Variants in RGCC observed in about 807,000 individuals in gnomAD.
RGCC encodes the protein regulator of cell cycle, also known as regulator of cell cycle RGCC.
A neutral mutation model predicts 15.4 loss-of-function variants in RGCC; 15 were observed. That is an observed-to-expected ratio of 0.97 (90% CI 0.65 to 1.50). RGCC has a LOEUF of 1.50. RGCC is among the 40% of genes most tolerant of loss of function. The probability of loss-of-function intolerance (pLI) is 0.00; values close to 1 mark genes in which losing one functional copy is unlikely to be tolerated. For synonymous variants in RGCC, 81 were observed against 78.0 expected, an observed-to-expected ratio of 1.04 and a Z score of -0.20; for missense variants, 176 against 189.7, an observed-to-expected ratio of 0.93 and a Z score of 0.42.
At position 41,458,384 on chromosome 13, in the gene RGCC, A is replaced by G. The variant is rs1325421212; in HGVS notation, c.149A>G (p.His50Arg). 2.5e-6 allele frequency: 4 copies of G among 1,599,238 alleles called. No homozygotes were observed. In the African/African-American group the frequency reaches 4.0e-5, roughly 16 times the overall value. ...ADFASPFHERHFHYEEHLERM... is the reference protein window; with the variant it reads ...ADFASPFHERRFHYEEHLERM... ...TTCGCGTCGCCCTTCCACGAGCGCCACTTCCACTACGAGGAGCACCTGGAG... is the reference window on the plus strand; with the variant it reads ...TTCGCGTCGCCCTTCCACGAGCGCCGCTTCCACTACGAGGAGCACCTGGAG... The change falls in exon 2 of 5, where the codon CAC becomes CGC. Residue 50 changes from histidine (H) to arginine (R), a missense_variant. His to Arg is a conservative substitution (Grantham distance 29). Coordinates refer to ENST00000379359, the MANE Select transcript of RGCC (RefSeq NM_014059.3). The surrounding 1 kb of genome is among the most constrained non-coding windows in gnomAD (Gnocchi z 4.4).
At chr13:41,470,138 A>G (rs1186937490) in intron 4 of RGCC, among the ~76,000 whole-genome samples, 1 of 151,240 alleles carries the variant, frequency 6.6e-6, no homozygotes, top group African/African-American at 2.4e-5. Context: ...AAACCTAAAT[A>G]TCAGATAGAA....
intron 2 of RGCC, among the ~76,000 whole-genome samples, chr13:41,466,069 ACT>A (rs1277145779): frequency 2.6e-5 from 4 of 151,254 alleles, no homozygotes; most frequent in South Asian, 2.1e-4. Flanking sequence ...ACACACACAC[ACT>A]CTCTCACTTC....
chr13:41,457,819 G>A lies in RGCC; in HGVS notation c.49+63G>A. ...TCTGCAGATGGCGGGTGAGAAAGGA[G>A]GGGCCCCGTGTCGTCCCTTCACACC... is the stretch of plus-strand genomic sequence containing the variant. On this transcript the variant is annotated intron_variant, in intron 1 of 4. Transcript: ENST00000379359. The surrounding 1 kb of genome is among the most constrained non-coding windows in gnomAD (Gnocchi z 4.9). The A allele has an allele frequency of 7.4e-7, 1 of 1,354,652 alleles. No homozygotes were observed. The highest frequency in any genetic ancestry group is 9.5e-7 in the Non-Finnish European group (1 of 1,053,778). The allele number at this position is 1,354,652 out of a possible 1,614,324, so 83.9% of individuals were successfully genotyped here. A position where few individuals can be genotyped will look rare whatever the true frequency, so the allele number is the denominator to read the frequency against.
intron 2 of RGCC, among the ~76,000 whole-genome samples, chr13:41,465,105 A>T (rs556771964): frequency 6.6e-6 from 1 of 152,270 alleles, no homozygotes; most frequent in South Asian, 2.1e-4. Flanking sequence ...CACTTAGGCA[A>T]ATTCCTTTTC....
intron 4 of RGCC, 142 bp from the exon 5 acceptor site, chr13:41,470,336 T>C (rs367845861): frequency 6.7e-5 from 55 of 817,850 alleles, no homozygotes; most frequent in East Asian, 6.7e-4. Flanking sequence ...TGCCCAGTCA[T>C]TCCAGTTAAT....
chr13:41,458,465 CG>C lies in RGCC; in HGVS notation c.232del (p.Glu78ArgfsTer18). Reference protein sequence around the residue: ...SVSDSSGFSDSESADSLYRNS... With the variant: ...SVSDSSGFSDXESADSLYRNS... ...AGCGACAGCAGCGGCTTCAGCGACT[CG>C]GAGAGTAAGTGCGGCCCCCGCTAGG... is the stretch of plus-strand genomic sequence containing the variant. On this transcript the variant is annotated frameshift_variant, in exon 2 of 5. Coordinates refer to ENST00000379359, the MANE Select transcript of RGCC (RefSeq NM_014059.3). LOFTEE classifies it high-confidence loss of function. The surrounding 1 kb of genome is among the most constrained non-coding windows in gnomAD (Gnocchi z 4.4). 1 of 1,596,042 alleles carries C rather than the reference CG, an allele frequency of 6.3e-7. No homozygotes were observed. The highest frequency in any genetic ancestry group is 8.5e-7 in the Non-Finnish European group (1 of 1,176,414).
At chr13:41,463,247 C>G (rs974174628) in intron 2 of RGCC, among the ~76,000 whole-genome samples, 1 of 152,012 alleles carries the variant, frequency 6.6e-6, no homozygotes, top group African/African-American at 2.4e-5. Context: ...GCCTTGAGGG[C>G]TCTCTTTTCA....
Position 41,458,118 on chromosome 13 carries a change from G to C in RGCC, c.50-167G>C, listed in dbSNP as rs911892959. Among the ~76,000 whole-genome samples, 1 of 152,230 alleles carries C rather than the reference G, an allele frequency of 6.6e-6. No individual in the cohort carries two copies. The highest frequency in any genetic ancestry group is 1.9e-4 in the East Asian group (1 of 5,178). ...GGACTTGGTAATAGAACGCACTTCG[G>C]GGGTGGTGGAGAAGATTACAAGGTA... is the stretch of plus-strand genomic sequence containing the variant. On this transcript the variant is annotated intron_variant, in intron 1 of 4. Coordinates refer to ENST00000379359, the MANE Select transcript of RGCC (RefSeq NM_014059.3). The surrounding 1 kb of genome is among the most constrained non-coding windows in gnomAD (Gnocchi z 4.4).
At chr13:41,470,361 G>A (rs2043870028) in intron 4 of RGCC, 117 bp from the exon 5 acceptor site, 3 of 1,027,696 alleles carry the variant, frequency 2.9e-6, no homozygotes, top group African/African-American at 1.6e-5. Flanking sequence ...CACTCATCGT[G>A]TGGGAAGCCC....
chr13:41,463,226 G>A (rs1393004517), intron 2 of RGCC, among the ~76,000 whole-genome samples: 2 of 152,124 alleles, frequency 1.3e-5, no homozygotes, highest in Non-Finnish European at 2.9e-5. Flanking sequence ...CGCCAGTGGT[G>A]TAGCTTTGGG....
rs114469481 is a variant in RGCC, at chr13:41,461,618, C to T, written c.235+3148C>T. ...GACGGGGGAGTGTTTTGCTGCTCAA[C>T]AGAAAAGGTCTGAAGTCTACTGTGT... On this transcript the variant is annotated intron_variant, in intron 2 of 4. Transcript: ENST00000379359. Among the ~76,000 whole-genome samples the T allele has an allele frequency of 6.4e-3, 976 of 152,302 alleles. 8 individuals are homozygous for T. The highest frequency in any genetic ancestry group is 0.022 in the African/African-American group (923 of 41,542).
In RGCC at chr13:41,458,822, G is replaced by T. The variant is rs1450243137; in HGVS notation, c.235+352G>T. Among the ~76,000 whole-genome samples, 1 of 152,112 alleles carries T rather than the reference G, an allele frequency of 6.6e-6. No individual in the cohort carries two copies. The highest frequency in any genetic ancestry group is 1.5e-5 in the Non-Finnish European group (1 of 68,030). On this transcript the variant is annotated intron_variant, in intron 2 of 4. Transcript: ENST00000379359. The surrounding 1 kb of genome is among the most constrained non-coding windows in gnomAD (Gnocchi z 4.4). ...TCTCAGCTGTAACTTTGCAGATGTG[G>T]AACAAGTGCCAGTGGAATGAGGGGG... is the stretch of plus-strand genomic sequence containing the variant.
intron 3 of RGCC, 108 bp downstream of exon 3, chr13:41,467,038 A>C: frequency 1.4e-6 from 1 of 739,006 alleles, no homozygotes; most frequent in South Asian, 1.6e-5. Context: ...AAATGTACAA[A>C]ACAAATAGGT....
At chr13:41,467,322 A>C (rs1050235067) in intron 3 of RGCC, among the ~76,000 whole-genome samples, 4 of 152,244 alleles carry the variant, frequency 2.6e-5, no homozygotes, top group African/African-American at 9.6e-5. Context: ...TTTTTATTGC[A>C]TTAATTATTT....
intron 2 of RGCC, among the ~76,000 whole-genome samples, chr13:41,461,281 C>A (rs919422420): frequency 6.6e-6 from 1 of 152,126 alleles, no homozygotes; most frequent in East Asian, 1.9e-4. Flanking sequence ...ATTTTAACTT[C>A]AGTAGTGAAA....
intron 2 of RGCC, among the ~76,000 whole-genome samples, chr13:41,459,777 A>G (rs1318926027): frequency 6.6e-6 from 1 of 152,260 alleles, no homozygotes; most frequent in Non-Finnish European, 1.5e-5. Context: ...TCAATTCTAA[A>G]GGCCAAACTT....
chr13:41,462,585 A>G (rs1055043955), intron 2 of RGCC, among the ~76,000 whole-genome samples: 2 of 152,164 alleles, frequency 1.3e-5, no homozygotes, highest in African/African-American at 4.8e-5. Flanking sequence ...TCCCCAAATT[A>G]TCACTGTTCT....
chr13:41,466,620 C>T (rs961224317), intron 2 of RGCC, among the ~76,000 whole-genome samples: 15 of 152,204 alleles, frequency 9.9e-5, no homozygotes, highest in Admixed American at 8.5e-4. Context: ...AACTCCTCAT[C>T]TCTGGTGATC....
Position 41,457,647 on chromosome 13 carries a change from G to T in RGCC, c.-61G>T. ...GTGCGGGACAGCAAGCCCCCGAATA[G>T]CCCCGGCTGCCACCTCGCAGGACCC... On this transcript the variant is annotated 5_prime_UTR_variant, in exon 1 of 5. Coordinates refer to ENST00000379359, the MANE Select transcript of RGCC (RefSeq NM_014059.3). The surrounding 1 kb of genome is among the most constrained non-coding windows in gnomAD (Gnocchi z 4.9). The T allele has an allele frequency of 6.7e-7, 1 of 1,502,084 alleles. No individual in the cohort carries two copies. Among genetic ancestry groups the T allele is most frequent in the Admixed American group, 2.2e-5 (1 of 45,378 alleles). The allele number at this position is 1,502,084 out of a possible 1,614,324, so 93.0% of individuals were successfully genotyped here. A position where few individuals can be genotyped will look rare whatever the true frequency, so the allele number is the denominator to read the frequency against.
Sources: allele counts gnomAD v4.1 joint callset (sites outside exome capture counted in the v4.1 genomes callset), GRCh38; gene constraint gnomAD v4.1.1; non-coding constraint Gnocchi (gnomAD v3.1); transcripts MANE v1.5; gene names NCBI Gene and HGNC (gene_info 2026-07-23, HGNC 2026-07-21).